Variants in CPM observed in about 807,000 individuals in gnomAD.
CPM encodes the protein renal carboxypeptidase.
In CPM, 35 loss-of-function variants were observed where a neutral mutation model predicts 46.4. That is an observed-to-expected ratio of 0.75 (90% CI 0.58 to 1.00). The LOEUF is 1.00. Among genes scored for constraint, CPM ranks in the 50% least tolerant of loss-of-function variants. CPM has a pLI of 0.00. For missense variants in CPM, 422 were observed against 530.4 expected (o/e 0.80, Z 2.01); for synonymous variants, 195 against 195.3 (o/e 1.00, Z 0.01).
chr12:68,844,275 G>A (rs1884070501), intron 5 of CPM: 2 of 218,178 alleles, frequency 9.2e-6, no homozygotes, highest in South Asian at 1.9e-4. Context: ...AAAGGCACAA[G>A]TCTGAATGTG....
At chr12:68,908,787 A>G (rs1318313167) in intron 2 of CPM, among the ~76,000 whole-genome samples, 2 of 152,228 alleles carry the variant, frequency 1.3e-5, no homozygotes, top group Non-Finnish European at 2.9e-5. Flanking sequence ...GATCTCATAA[A>G]AATTAAAAAC....
At chr12:68,843,257 C>G (rs1883957767) in intron 5 of CPM, 1 of 226,870 alleles carries the variant, frequency 4.4e-6, no homozygotes, top group African/African-American at 2.2e-5. Context: ...CTTTGAGGAC[C>G]TCCAAAGGTA....
chr12:68,952,155 G>T (rs1888945741), intron 1 of CPM, among the ~76,000 whole-genome samples: 2 of 152,130 alleles, frequency 1.3e-5, no homozygotes, highest in Non-Finnish European at 2.9e-5. Context: ...TTGCTTTTTT[G>T]AGGGAAAGCC....
rs117651134 is a variant in CPM, at chr12:68,962,263, C to A, written c.-4+906G>T. Among the ~76,000 whole-genome samples the A allele has an allele frequency of 8.8e-3, 1,336 of 151,462 alleles. 10 individuals carry two copies. The highest frequency in any genetic ancestry group is 0.014 in the Non-Finnish European group (925 of 67,920). ...CATAACACAGAATTTACCATCATAA[C>A]CATTTTTAAACCTACAGTTCAGTAG... On this transcript the variant is annotated intron_variant, in intron 1 of 8. Transcript: ENST00000546373.
At chr12:68,901,804 CCACT>C (rs1327687389) in intron 2 of CPM, among the ~76,000 whole-genome samples, 3 of 152,076 alleles carry the variant, frequency 2.0e-5, no homozygotes, top group Non-Finnish European at 2.9e-5. Context: ...AATTAGATCA[CCACT>C]CACTTCCTTC....
Position 68,856,559 on chromosome 12 carries a change from G to C in CPM, c.1210C>G (p.Pro404Ala). The change falls in exon 9 of 9, where the codon CCA (proline) becomes GCA (alanine). Residue 404 changes from proline to alanine, a missense_variant. By Grantham distance (27) the Pro-to-Ala change is conservative (BLOSUM62 -1). Transcript: ENST00000551568. ...ATTGGGCATGAAGGATTTGATACTG[G>C]GATAGAATCCAATTGCCCTTGGAAT... is the stretch of plus-strand genomic sequence containing the variant. ...LPFQGQLDSI[P>A]VSNPSCPMIP... 1 of 1,614,216 alleles carries C rather than the reference G, an allele frequency of 6.2e-7. No individual in the cohort carries two copies. The highest frequency in any genetic ancestry group is 8.5e-7 in the Non-Finnish European group (1 of 1,180,028).
chr12:68,842,852 G>C (rs1271981454), intron 5 of CPM: 8 of 203,838 alleles, frequency 3.9e-5, no homozygotes, highest in African/African-American at 1.6e-4. Context: ...GAACAAAATG[G>C]CCTTATATAA....
chr12:68,892,600 C>G (rs560844162), intron 2 of CPM, among the ~76,000 whole-genome samples: 1 of 152,272 alleles, frequency 6.6e-6, no homozygotes, highest in South Asian at 2.1e-4. Context: ...TGGCTCACAC[C>G]TGTAATCCCA....
At chr12:68,960,941 A>AT (rs928879837) in intron 1 of CPM, among the ~76,000 whole-genome samples, 12 of 152,114 alleles carry the variant, frequency 7.9e-5, no homozygotes, top group Non-Finnish European at 1.3e-4. Flanking sequence ...CTGAGAGTTG[A>AT]TTTTTTAGTA....
chr12:68,921,859 A>C (rs1592698026), intron 2 of CPM, among the ~76,000 whole-genome samples: 1 of 152,328 alleles, frequency 6.6e-6, no homozygotes, highest in African/African-American at 2.4e-5. Flanking sequence ...GTAACAATAT[A>C]AAAGTATATT....
chr12:68,926,375 AT>A (rs1283347665), intron 2 of CPM, among the ~76,000 whole-genome samples: 1 of 151,934 alleles, frequency 6.6e-6, no homozygotes, highest in East Asian at 1.9e-4. Flanking sequence ...GTCTAGTCAT[AT>A]TTCAACTCCT....
Position 68,853,773 on chromosome 12 carries a change from A to C in CPM, c.*2664T>G, listed in dbSNP as rs1479595071. ...GGAAGGGGAGGGGAGCGGAGGAAAG[A>C]AGAAAAGGAAGGGAAGGGGAGGGAA... is the stretch of plus-strand genomic sequence containing the variant. On this transcript the variant is annotated 3_prime_UTR_variant, in exon 9 of 9. Coordinates refer to ENST00000551568, the MANE Select transcript of CPM (RefSeq NM_198320.5). The C allele has an allele frequency of 1.3e-5, 2 of 151,304 alleles. No individual in the cohort carries two copies. Among genetic ancestry groups the C allele is most frequent in the Non-Finnish European group, 2.9e-5 (2 of 67,810 alleles). 9.4% of individuals were successfully genotyped at this position (151,304 alleles called of 1,614,324 possible). A position where few individuals can be genotyped will look rare whatever the true frequency, so the allele number is the denominator to read the frequency against.
chr12:68,920,851 T>A (rs556529304), intron 2 of CPM, among the ~76,000 whole-genome samples: 33 of 150,302 alleles, frequency 2.2e-4, no homozygotes, highest in Admixed American at 3.3e-4. Flanking sequence ...CCACCATGCC[T>A]GGCTAATTTT....
At chr12:68,916,904 AAAAG>A (rs1321467799) in intron 2 of CPM, among the ~76,000 whole-genome samples, 121 of 151,692 alleles carry the variant, frequency 8.0e-4, no homozygotes, top group African/African-American at 2.6e-3. Flanking sequence ...AAAAAAAAAA[AAAAG>A]AGAGAGAGAG....
intron 3 of CPM, among the ~76,000 whole-genome samples, chr12:68,878,080 C>T (rs983419128): frequency 6.6e-6 from 1 of 152,188 alleles, no homozygotes; most frequent in African/African-American, 2.4e-5. Flanking sequence ...ACCAATGCCA[C>T]AATCATAAAA....
intron 1 of CPM, among the ~76,000 whole-genome samples, chr12:68,951,361 G>C (rs1404867952): frequency 6.6e-6 from 1 of 152,172 alleles, no homozygotes; most frequent in East Asian, 1.9e-4. Context: ...GGTTTAGCTG[G>C]GGATACAGGC....
At position 68,867,067 on chromosome 12, in the gene CPM, A is replaced by G; in HGVS notation, c.788-19T>C. ...ATTCCACCTAAACACAAGCATATTT[A>G]ATTTTTGTTAGGGTCTAAAATTGGA... is the stretch of plus-strand genomic sequence containing the variant. On this transcript the variant is annotated intron_variant, in intron 6 of 8. Transcript: ENST00000551568. 1.2e-6 allele frequency: 2 copies of G among 1,613,154 alleles called. No homozygotes were observed. The highest frequency in any genetic ancestry group is 1.7e-6 in the Non-Finnish European group (2 of 1,179,772).
intron 3 of CPM, among the ~76,000 whole-genome samples, chr12:68,883,703 G>A (rs752781023): frequency 6.6e-6 from 1 of 152,084 alleles, no homozygotes; most frequent in Non-Finnish European, 1.5e-5. Context: ...GGGAGTTTCA[G>A]TTCTGAGGAC....
At chr12:68,871,987 A>G in intron 3 of CPM, 31 bp from the exon 4 acceptor site, 1 of 1,612,508 alleles carries the variant, frequency 6.2e-7, no homozygotes, top group Non-Finnish European at 8.5e-7. Flanking sequence ...AGAGGACATT[A>G]TTAGGTCAGA....
Sources: allele counts gnomAD v4.1 joint callset (sites outside exome capture counted in the v4.1 genomes callset), GRCh38; gene constraint gnomAD v4.1.1; transcripts MANE v1.5; gene names NCBI Gene and HGNC (gene_info 2026-07-23, HGNC 2026-07-21).